Variants in HIVEP3 observed in about 807,000 individuals in gnomAD.
HIVEP3 encodes HIVEP zinc finger 3, also known as transcription factor HIVEP3.
In HIVEP3, 49 loss-of-function variants were observed where a neutral mutation model predicts 152.8. The ratio of observed to expected loss-of-function variants is 0.32; its 90% CI spans 0.26 to 0.41. HIVEP3 has a LOEUF of 0.41. Ranked by LOEUF, HIVEP3 falls within the 10% of genes least tolerant of loss-of-function variation. HIVEP3 has a pLI of 1.00. For missense variants in HIVEP3, 2,790 were observed against 3,103.3 expected, an observed-to-expected ratio of 0.90 and a Z score of 2.40; for synonymous variants, 1,269 against 1,289.0, an observed-to-expected ratio of 0.98 and a Z score of 0.33.
At chr1:41,821,119 G>T (rs1335535651) in intron 1 of HIVEP3, among the ~76,000 whole-genome samples, 1 of 152,186 alleles carries the variant, frequency 6.6e-6, no homozygotes, top group East Asian at 1.9e-4. Flanking sequence ...TTAGGTGGCT[G>T]CTGACTGATA....
At chr1:41,752,027 T>C (rs996372637) in intron 1 of HIVEP3, among the ~76,000 whole-genome samples, 4 of 152,166 alleles carry the variant, frequency 2.6e-5, no homozygotes, top group African/African-American at 9.7e-5. Context: ...GGGGAGGTGA[T>C]GGGTTCAAGT....
At chr1:41,987,715 T>C (rs929804088) in intron 1 of HIVEP3, among the ~76,000 whole-genome samples, 2 of 152,214 alleles carry the variant, frequency 1.3e-5, no homozygotes, top group African/African-American at 4.8e-5. Context: ...GACCCTGTAT[T>C]AGTCCATTTT....
At chr1:41,537,539 C>G (rs536333667) in intron 5 of HIVEP3, among the ~76,000 whole-genome samples, 3 of 152,192 alleles carry the variant, frequency 2.0e-5, no homozygotes, top group Admixed American at 2.0e-4. Context: ...CGCAGTGACA[C>G]GCTGCTCTTC....
intron 1 of HIVEP3, among the ~76,000 whole-genome samples, chr1:42,028,473 T>C (rs1450975043): frequency 2.0e-5 from 3 of 152,174 alleles, no homozygotes; most frequent in Non-Finnish European, 4.4e-5. Context: ...CCATTCCACC[T>C]TTCCAAGGTC....
chr1:41,887,277 T>G (rs1644362567), intron 1 of HIVEP3, among the ~76,000 whole-genome samples: 1 of 152,242 alleles, frequency 6.6e-6, no homozygotes, highest in Non-Finnish European at 1.5e-5. Context: ...ATAAAGTTTG[T>G]GATACATGTC....
chr1:41,720,766 T>G (rs1046918645), intron 1 of HIVEP3, among the ~76,000 whole-genome samples: 17 of 152,236 alleles, frequency 1.1e-4, no homozygotes, highest in African/African-American at 3.9e-4. Flanking sequence ...ATTACAGCAT[T>G]ACCCACAATA....
chr1:41,793,476 A>G (rs1035247742), intron 1 of HIVEP3, among the ~76,000 whole-genome samples: 1 of 152,216 alleles, frequency 6.6e-6, no homozygotes, highest in Non-Finnish European at 1.5e-5. Context: ...TGGAGAGGCT[A>G]TTAGAACAGG....
chr1:42,007,583 C>T (rs1645467095), intron 1 of HIVEP3, among the ~76,000 whole-genome samples: 1 of 152,112 alleles, frequency 6.6e-6, no homozygotes, highest in African/African-American at 2.4e-5. Flanking sequence ...AGCTGAGTTC[C>T]AGTGTGATAG....
At chr1:41,967,046 T>A (rs1264803671) in intron 1 of HIVEP3, among the ~76,000 whole-genome samples, 1 of 152,106 alleles carries the variant, frequency 6.6e-6, no homozygotes, top group East Asian at 1.9e-4. Flanking sequence ...CCCAGATTCA[T>A]AAAATAAGTT....
intron 1 of HIVEP3, among the ~76,000 whole-genome samples, chr1:41,968,423 T>A (rs1645211377): frequency 6.6e-6 from 1 of 152,196 alleles, no homozygotes; most frequent in African/African-American, 2.4e-5. Context: ...TCAATAAATG[T>A]AATTCATCAC....
chr1:41,623,962 G>A (rs1215116921), intron 3 of HIVEP3, among the ~76,000 whole-genome samples: 3 of 152,144 alleles, frequency 2.0e-5, no homozygotes, highest in East Asian at 1.9e-4. Flanking sequence ...CTTGCTCCAC[G>A]CTCTTCTGCA....
intron 1 of HIVEP3, among the ~76,000 whole-genome samples, chr1:42,035,506 G>T (rs1645636451): frequency 6.6e-6 from 1 of 152,350 alleles, no homozygotes; most frequent in Admixed American, 6.5e-5. Flanking sequence ...GGACAGGTGT[G>T]GGGCCCGGGC....
chr1:41,867,595 AT>A (rs1173021985), intron 1 of HIVEP3, among the ~76,000 whole-genome samples: 1 of 152,198 alleles, frequency 6.6e-6, no homozygotes, highest in Non-Finnish European at 1.5e-5. Flanking sequence ...ATGAGAAAAT[AT>A]GCTGCATGGA....
At chr1:41,825,152 A>T (rs1485486962) in intron 1 of HIVEP3, among the ~76,000 whole-genome samples, 1 of 152,024 alleles carries the variant, frequency 6.6e-6, no homozygotes, top group African/African-American at 2.4e-5. Flanking sequence ...ATTGGTTCTT[A>T]TAGGTTTGGG....
At chr1:41,872,243 C>A (rs1644094544) in intron 1 of HIVEP3, among the ~76,000 whole-genome samples, 1 of 152,120 alleles carries the variant, frequency 6.6e-6, no homozygotes, top group African/African-American at 2.4e-5. Context: ...GATTTACAGA[C>A]AAAAGAAAGG....
chr1:41,998,920 G>A (rs1185025426), intron 1 of HIVEP3, among the ~76,000 whole-genome samples: 6 of 82,144 alleles, frequency 7.3e-5, no homozygotes, highest in African/African-American at 1.7e-4. Context: ...TTTTTGAGAC[G>A]GAGTCTTGCT....
chr1:41,550,566 A>T (rs940774173), intron 5 of HIVEP3, among the ~76,000 whole-genome samples: 1 of 152,164 alleles, frequency 6.6e-6, no homozygotes, highest in African/African-American at 2.4e-5. Context: ...GTTTCTTTGT[A>T]GGTCTCCTTG....
chr1:41,837,188 G>A (rs978562791), intron 1 of HIVEP3, among the ~76,000 whole-genome samples: 27 of 152,250 alleles, frequency 1.8e-4, no homozygotes, highest in Non-Finnish European at 7.4e-5. Context: ...TACTCTTCCC[G>A]ACACATCTGC....
chr1:41,571,389 A>G (rs925043859), intron 5 of HIVEP3, among the ~76,000 whole-genome samples: 2 of 152,214 alleles, frequency 1.3e-5, no homozygotes, highest in Non-Finnish European at 2.9e-5. Flanking sequence ...TAAACAACCA[A>G]GGCAAATGCA....
Sources: allele counts gnomAD v4.1 joint callset (sites outside exome capture counted in the v4.1 genomes callset), GRCh38; gene constraint gnomAD v4.1.1; transcripts MANE v1.5; gene names NCBI Gene and HGNC (gene_info 2026-07-23, HGNC 2026-07-21).